Variants in PIGK observed in about 807,000 individuals in gnomAD.
PIGK encodes the protein GPI-anchor transamidase.
A neutral mutation model predicts 50.6 loss-of-function variants in PIGK; 42 were observed. The observed-to-expected ratio is 0.83, with a 90% CI of 0.65 to 1.07. PIGK has a LOEUF of 1.07. Ranked by LOEUF, PIGK falls within the 50% of genes least tolerant of loss-of-function variation. PIGK has a pLI of 0.00. For synonymous variants in PIGK, 151 were observed against 156.0 expected (o/e 0.97, Z 0.24); for missense variants, 448 against 488.7 (o/e 0.92, Z 0.78).
intron 3 of PIGK, among the ~76,000 whole-genome samples, chr1:77,184,651 T>C (rs1302640719): frequency 6.6e-6 from 1 of 152,190 alleles, no homozygotes; most frequent in Non-Finnish European, 1.5e-5. Flanking sequence ...AATGGGGTTT[T>C]AGCTCAGGTC....
intron 10 of PIGK, among the ~76,000 whole-genome samples, chr1:77,107,682 A>C (rs1653721353): frequency 6.6e-6 from 1 of 152,122 alleles, no homozygotes; most frequent in Non-Finnish European, 1.5e-5. Flanking sequence ...TAATGTTGAC[A>C]GTGGGGTGTT....
At chr1:77,178,079 C>A (rs1655528068) in intron 3 of PIGK, among the ~76,000 whole-genome samples, 1 of 152,138 alleles carries the variant, frequency 6.6e-6, no homozygotes, top group Non-Finnish European at 1.5e-5. Flanking sequence ...AAAAGGGGGT[C>A]TCTTGTGTGC....
Position 77,169,341 on chromosome 1 carries a change from T to C in PIGK, c.294A>G (p.Lys98=). The C allele has an allele frequency of 6.2e-7, 1 of 1,607,718 alleles. No individual in the cohort carries two copies. The highest frequency in any genetic ancestry group is 8.5e-7 in the Non-Finnish European group (1 of 1,176,170). Reference sequence around the variant, plus strand: ...TCTTGTGACTAAACACTGTAGCTGGTTTGGGATTTCTAGGATTACAGGCCA... The same window carrying C: ...TCTTGTGACTAAACACTGTAGCTGGCTTGGGATTTCTAGGATTACAGGCCA... ...DDMACNPRNP[K]PATVFSHKNM... is the part of the protein sequence containing the mutation. The change falls in exon 4 of 11, where the codon AAA becomes AAG. Residue 98 remains lysine, a synonymous_variant. Coordinates refer to ENST00000370812, the MANE Select transcript of PIGK (RefSeq NM_005482.3).
intron 9 of PIGK, among the ~76,000 whole-genome samples, chr1:77,147,013 G>A (rs1270779816): frequency 6.6e-6 from 1 of 151,744 alleles, no homozygotes; most frequent in Non-Finnish European, 1.5e-5. Flanking sequence ...GCATTAGTCT[G>A]TTTTCACACT....
At chr1:77,114,088 G>A (rs1653912222) in intron 10 of PIGK, among the ~76,000 whole-genome samples, 1 of 152,012 alleles carries the variant, frequency 6.6e-6, no homozygotes, top group South Asian at 2.1e-4. Context: ...CAATTCATCA[G>A]AACATGAATT....
chr1:77,156,795 C>A (rs1655018127), intron 8 of PIGK, among the ~76,000 whole-genome samples: 1 of 152,100 alleles, frequency 6.6e-6, no homozygotes, highest in Non-Finnish European at 1.5e-5. Context: ...TCCTTTCATT[C>A]ATTTAGTAGA....
At chr1:77,154,749 T>G (rs957611352) in intron 8 of PIGK, 128 bp from the exon 9 acceptor site, 8 of 629,558 alleles carry the variant, frequency 1.3e-5, no homozygotes, top group Non-Finnish European at 1.9e-5. Flanking sequence ...CTATGTGTTC[T>G]AAAGACCTTA....
At chr1:77,197,654 T>A (rs1012956219) in intron 3 of PIGK, among the ~76,000 whole-genome samples, 2 of 152,182 alleles carry the variant, frequency 1.3e-5, no homozygotes, top group African/African-American at 4.8e-5. Flanking sequence ...AGTAAAGTCA[T>A]CATTTTTGCC....
chr1:77,184,100 C>T (rs1055863388), intron 3 of PIGK, among the ~76,000 whole-genome samples: 2 of 152,154 alleles, frequency 1.3e-5, no homozygotes, highest in Admixed American at 6.5e-5. Flanking sequence ...TGGCATCACT[C>T]AGCTGTCAAA....
rs149488015 is a variant in PIGK, at chr1:77,100,742, G to C, written c.1072-8252C>G. Among the ~76,000 whole-genome samples, 72 of 152,292 alleles carry C rather than the reference G, an allele frequency of 4.7e-4. 1 individual carries two copies. Among genetic ancestry groups the C allele is most frequent in the African/African-American group, 1.6e-3 (68 of 41,560 alleles). ...ATCAGAGATTGAAGTTGGAAAGATA[G>C]ATATATTCGAAGTAGCCAAGATGCT... On this transcript the variant is annotated intron_variant, in intron 10 of 10. Coordinates refer to ENST00000370812, the MANE Select transcript of PIGK (RefSeq NM_005482.3).
intron 9 of PIGK, among the ~76,000 whole-genome samples, chr1:77,151,847 C>CA (rs1439110618): frequency 1.3e-5 from 2 of 152,060 alleles, no homozygotes; most frequent in African/African-American, 2.4e-5. Flanking sequence ...GAAGAAGACA[C>CA]AAAAAATGGA....
intron 3 of PIGK, among the ~76,000 whole-genome samples, chr1:77,179,702 T>A (rs537033518): frequency 1.3e-5 from 2 of 152,322 alleles, no homozygotes; most frequent in East Asian, 3.9e-4. Flanking sequence ...CATTGCTCAA[T>A]TAAACTCCTT....
intron 9 of PIGK, among the ~76,000 whole-genome samples, chr1:77,141,044 A>C (rs1309754562): frequency 6.6e-6 from 1 of 152,176 alleles, no homozygotes; most frequent in Non-Finnish European, 1.5e-5. Flanking sequence ...TTCTTGCTCC[A>C]TCTCTCAATA....
chr1:77,149,209 A>T (rs1654839818), intron 9 of PIGK, among the ~76,000 whole-genome samples: 1 of 152,166 alleles, frequency 6.6e-6, no homozygotes, highest in African/African-American at 2.4e-5. Flanking sequence ...CTAGAAAACA[A>T]ATAACAAAAT....
intron 3 of PIGK, among the ~76,000 whole-genome samples, chr1:77,186,136 G>A (rs752212582): frequency 1.3e-5 from 2 of 152,208 alleles, no homozygotes; most frequent in Non-Finnish European, 2.9e-5. Context: ...AATGCCTATG[G>A]TCTCCACTCT....
chr1:77,171,174 C>T (rs913448623), intron 3 of PIGK, among the ~76,000 whole-genome samples: 3 of 151,984 alleles, frequency 2.0e-5, no homozygotes, highest in Non-Finnish European at 2.9e-5. Context: ...CAGTGGCTCA[C>T]GCCTGTAATC....
chr1:77,194,956 G>A, intron 3 of PIGK: 1 of 597,274 alleles, frequency 1.7e-6, no homozygotes, highest in Non-Finnish European at 3.2e-6. Flanking sequence ...GACTACTCCT[G>A]CTTAAGTGTG....
At chr1:77,208,304 C>CA (rs1041297123) in intron 2 of PIGK, among the ~76,000 whole-genome samples, 2 of 151,302 alleles carry the variant, frequency 1.3e-5, no homozygotes, top group African/African-American at 2.4e-5. Context: ...AAATATTGGA[C>CA]AAAAAAAAGA....
chr1:77,196,096 T>C (rs1027362105), intron 3 of PIGK, among the ~76,000 whole-genome samples: 1 of 152,220 alleles, frequency 6.6e-6, no homozygotes, highest in East Asian at 1.9e-4. Flanking sequence ...TTTCTGTTCC[T>C]GCATTAATTC....
Sources: gnomAD v4.1 joint callset for allele counts (sites outside exome capture counted in the v4.1 genomes callset) on GRCh38, gnomAD v4.1.1 for gene constraint, MANE v1.5 for transcripts, NCBI Gene and HGNC (gene_info 2026-07-23, HGNC 2026-07-21) for gene names.